The following KIF1B variants were observed in gnomAD, a reference collection of about 807,000 sequenced individuals.
KIF1B encodes the protein kinesin family member 1B.
A neutral mutation model predicts 241.9 loss-of-function variants in KIF1B; 76 were observed. The observed-to-expected ratio is 0.31, with a 90% confidence interval of 0.26 to 0.38. The LOEUF (loss-of-function observed/expected upper bound fraction) is 0.38, where lower values mean the gene tolerates loss of function less well. KIF1B is among the 10% of genes least tolerant of loss of function. KIF1B has a pLI of 1.00. For synonymous variants in KIF1B, 750 were observed against 796.7 expected, an observed-to-expected ratio of 0.94 and a Z score of 0.99; for missense variants, 1,622 against 2,271.4, an observed-to-expected ratio of 0.71 and a Z score of 5.81.
chr1:10,297,795 A>T (rs1373553759), intron 22 of KIF1B, among the ~76,000 whole-genome samples: 1 of 151,740 alleles, frequency 6.6e-6, no homozygotes, highest in South Asian at 2.1e-4. Flanking sequence ...CTGAATTCTC[A>T]ATCAGGTTCT....
At chr1:10,353,642 C>T (rs530631307) in intron 38 of KIF1B, among the ~76,000 whole-genome samples, 15 of 152,196 alleles carry the variant, frequency 9.9e-5, no homozygotes, top group Admixed American at 4.6e-4. Flanking sequence ...AGGAATAAGA[C>T]GATAGGCAGA....
At chr1:10,238,629 T>G (rs1412681272) in intron 2 of KIF1B, among the ~76,000 whole-genome samples, 1 of 151,742 alleles carries the variant, frequency 6.6e-6, no homozygotes, top group Non-Finnish European at 1.5e-5. Flanking sequence ...TTCTTGAGCC[T>G]GGGAGGTGGA....
In KIF1B at chr1:10,376,826, T is replaced by A; in HGVS notation, c.*239T>A. ...CATGTGGCCTAACAAAAGGAAAAAA[T>A]GTTTTTAAACACACACACACACACA... On this transcript the variant is annotated 3_prime_UTR_variant, in exon 49 of 49. Coordinates refer to ENST00000676179, the MANE Select transcript of KIF1B (RefSeq NM_001365951.3). 2.0e-6 allele frequency: 1 copy of A among 500,100 alleles called. No homozygotes were observed. The highest frequency in any genetic ancestry group is 3.1e-5 in the Admixed American group (1 of 32,266). 31.0% of individuals were successfully genotyped at this position (500,100 alleles called of 1,614,324 possible).
chr1:10,288,492 G>C (rs545046564), intron 15 of KIF1B, among the ~76,000 whole-genome samples: 1 of 152,144 alleles, frequency 6.6e-6, no homozygotes, highest in Non-Finnish European at 1.5e-5. Flanking sequence ...TTGAGCCTCT[G>C]TGTGTGTTCT....
At chr1:10,316,439 A>G (rs993819079) in intron 22 of KIF1B, among the ~76,000 whole-genome samples, 6 of 151,496 alleles carry the variant, frequency 4.0e-5, no homozygotes, top group Non-Finnish European at 7.4e-5. Flanking sequence ...TTTGGATCGT[A>G]TGCATATCCT....
chr1:10,307,380 G>A, intron 22 of KIF1B: 2 of 711,208 alleles, frequency 2.8e-6, no homozygotes, highest in Non-Finnish European at 3.5e-6. Flanking sequence ...CACAATCTCA[G>A]CTCACTGCAA....
intron 43 of KIF1B, among the ~76,000 whole-genome samples, chr1:10,367,539 T>A (rs1338563476): frequency 1.6e-5 from 1 of 60,762 alleles, no homozygotes; most frequent in Non-Finnish European, 3.3e-5. Flanking sequence ...CTTTATTAAA[T>A]TTTTTTTTTT....
chr1:10,213,610 C>A (rs1015387914), intron 1 of KIF1B, among the ~76,000 whole-genome samples: 1 of 152,074 alleles, frequency 6.6e-6, no homozygotes, highest in Non-Finnish European at 1.5e-5. Context: ...GGAAGCATAT[C>A]CTTTTGGTCT....
At chr1:10,227,591 G>A (rs1646926519) in intron 1 of KIF1B, 1 of 151,922 alleles carries the variant, frequency 6.6e-6, no homozygotes. Flanking sequence ...AATAAGCTGT[G>A]TATTTCCTTT....
In KIF1B at chr1:10,381,226, C is replaced by T. The variant is rs181660056; in HGVS notation, c.*4639C>T. The T allele has an allele frequency of 2.4e-4, 53 of 223,296 alleles. No individual in the cohort carries two copies. Among genetic ancestry groups the T allele is most frequent in the African/African-American group, 1.1e-3 (51 of 44,814 alleles). The allele number at this position is 223,296 out of a possible 1,614,324, so 13.8% of individuals were successfully genotyped here. ...TCTTAGACTTTGTGGCTCTAAAGTA[C>T]CTGTCTGTTGAGATTTCAAGTCTCT... On this transcript the variant is annotated 3_prime_UTR_variant, in exon 49 of 49. Coordinates refer to ENST00000676179, the MANE Select transcript of KIF1B (RefSeq NM_001365951.3).
At chr1:10,226,350 A>G (rs1646908584) in intron 1 of KIF1B, among the ~76,000 whole-genome samples, 3 of 152,210 alleles carry the variant, frequency 2.0e-5, no homozygotes, top group South Asian at 4.1e-4. Flanking sequence ...AGTAGTCTAT[A>G]GAAAAATGTA....
chr1:10,213,077 A>G (rs114604064), intron 1 of KIF1B, among the ~76,000 whole-genome samples: 2,803 of 151,996 alleles, frequency 0.018, 42 homozygotes, highest in Non-Finnish European at 0.027. Context: ...TTTGCATTAC[A>G]CTAGTATGAG....
At chr1:10,274,086 G>A (rs1235152034) in intron 10 of KIF1B, among the ~76,000 whole-genome samples, 6 of 151,650 alleles carry the variant, frequency 4.0e-5, no homozygotes, top group Non-Finnish European at 5.9e-5. Flanking sequence ...ACAGGTGCCC[G>A]CCACCACCCC....
At chr1:10,320,834 T>C (rs1651493956) in intron 23 of KIF1B, among the ~76,000 whole-genome samples, 1 of 142,194 alleles carries the variant, frequency 7.0e-6, no homozygotes, top group Non-Finnish European at 1.5e-5. Flanking sequence ...CCTAAGTAGT[T>C]GGGATTACAG....
At chr1:10,228,823 CT>C (rs1646942733) in intron 1 of KIF1B, among the ~76,000 whole-genome samples, 1 of 152,096 alleles carries the variant, frequency 6.6e-6, no homozygotes, top group African/African-American at 2.4e-5. Flanking sequence ...AATAAAGCAA[CT>C]TTATATCTTA....
intron 28 of KIF1B, among the ~76,000 whole-genome samples, chr1:10,336,027 G>A (rs1455955468): frequency 1.3e-5 from 2 of 152,162 alleles, no homozygotes; most frequent in East Asian, 3.9e-4. Context: ...GTATATGGAA[G>A]TCTCCTCCAC....
intron 17 of KIF1B, among the ~76,000 whole-genome samples, chr1:10,292,693 A>G (rs765407149): frequency 6.6e-6 from 1 of 152,190 alleles, no homozygotes; most frequent in Non-Finnish European, 1.5e-5. Flanking sequence ...TTACATAATC[A>G]TAGTTATGAA....
chr1:10,332,778 G>T (rs1652002844), intron 27 of KIF1B, among the ~76,000 whole-genome samples: 1 of 149,490 alleles, frequency 6.7e-6, no homozygotes, highest in African/African-American at 2.5e-5. Flanking sequence ...GCCTCCCAAA[G>T]TGCTGGGATT....
chr1:10,363,562 G>A (rs960700937), intron 41 of KIF1B, among the ~76,000 whole-genome samples: 18 of 152,018 alleles, frequency 1.2e-4, no homozygotes, highest in African/African-American at 3.6e-4. Flanking sequence ...GTGTGGTGGC[G>A]CGTGCCTGTA....
Sources: gnomAD v4.1 joint callset for allele counts (sites outside exome capture counted in the v4.1 genomes callset) on GRCh38, gnomAD v4.1.1 for gene constraint, MANE v1.5 for transcripts, NCBI Gene and HGNC (gene_info 2026-07-23, HGNC 2026-07-21) for gene names.